CDIP1: variants seen among roughly 807,000 people sequenced by gnomAD.
The protein encoded by CDIP1 is cell death inducing p53 target 1.
Under a neutral mutation model 17.7 loss-of-function variants are expected in CDIP1, and 9 were observed. The ratio of observed to expected loss-of-function variants is 0.51; its 90% CI spans 0.31 to 0.89. The LOEUF (loss-of-function observed/expected upper bound fraction) is 0.89. CDIP1 is among the 40% of genes least tolerant of loss of function. The pLI is 0.05. For synonymous variants in CDIP1, 117 were observed against 109.5 expected (o/e 1.07, Z -0.43); for missense variants, 263 against 277.9 (o/e 0.95, Z 0.38).
intron 1 of CDIP1, among the ~76,000 whole-genome samples, chr16:4,521,777 A>C (rs114452004): frequency 6.7e-6 from 1 of 149,448 alleles, no homozygotes; most frequent in South Asian, 2.1e-4. Context: ...CCCAAGACCC[A>C]CCACTTTCCA....
chr16:4,518,639 C>A (rs1378488861), intron 1 of CDIP1, among the ~76,000 whole-genome samples: 1 of 152,334 alleles, frequency 6.6e-6, no homozygotes, highest in African/African-American at 2.4e-5. Context: ...AGGAGAGGAT[C>A]TGGAAAACAG....
rs532097748 is a variant in CDIP1 at position 4,516,099 on chromosome 16, A to G, written c.-104-1435T>C. ...AATGGAAGACGATTCGGCTATAAAA[A>G]GGAAGGAAGCACTGACACCCTACAG... On this transcript the variant is annotated intron_variant, in intron 1 of 5. Transcript: ENST00000567695. Among the ~76,000 whole-genome samples, 3 of 152,368 alleles carry G rather than the reference A, an allele frequency of 2.0e-5. No individual in the cohort carries two copies. In the East Asian group the frequency reaches 5.8e-4, roughly 29 times the overall value.
intron 1 of CDIP1, among the ~76,000 whole-genome samples, chr16:4,534,346 C>G (rs149548221): frequency 6.6e-6 from 1 of 152,218 alleles, no homozygotes; most frequent in African/African-American, 2.4e-5. Context: ...AAAGTACTTA[C>G]GTTCACAGCC....
intron 1 of CDIP1, among the ~76,000 whole-genome samples, chr16:4,519,287 A>G (rs965568099): frequency 8.5e-5 from 13 of 152,218 alleles, no homozygotes; most frequent in African/African-American, 1.9e-4. Flanking sequence ...TTTCTCCCCA[A>G]TAACAAGCAA....
At chr16:4,524,177 T>C (rs939448354) in intron 1 of CDIP1, 1 of 152,158 alleles carries the variant, frequency 6.6e-6, no homozygotes, top group African/African-American at 2.4e-5. Flanking sequence ...CAAAATGAGG[T>C]TCTTGGAAGG....
intron 1 of CDIP1, chr16:4,536,771 A>AC (rs2059110934): frequency 9.2e-6 from 1 of 108,714 alleles, no homozygotes; most frequent in South Asian, 3.4e-4. Context: ...TGCCATCTCT[A>AC]CAAAAAAAAA....
At chr16:4,528,611 G>A (rs2141653586) in intron 1 of CDIP1, among the ~76,000 whole-genome samples, 1 of 151,032 alleles carries the variant, frequency 6.6e-6, no homozygotes, top group Non-Finnish European at 1.5e-5. Context: ...AACCCAGGAG[G>A]TGGAGGCTGC....
At position 4,514,772 on chromosome 16, in the gene CDIP1, T is replaced by G. The variant is rs1361391416; in HGVS notation, c.-104-108A>C. Reference sequence around the variant, plus strand: ...ACCACACAGTTCCTCCCCTTCCACATCCGGCTTCTCCCTAGCTGTCACTCT... The same window carrying G: ...ACCACACAGTTCCTCCCCTTCCACAGCCGGCTTCTCCCTAGCTGTCACTCT... On this transcript the variant is annotated intron_variant, in intron 1 of 5. Transcript: ENST00000567695. This position sits in a 1 kb window ranked among gnomAD's most constrained non-coding sequence, Gnocchi z 5.2. 2 of 152,742 alleles carry G rather than the reference T, an allele frequency of 1.3e-5. No homozygotes were observed. The highest frequency in any genetic ancestry group is 2.9e-5 in the Non-Finnish European group (2 of 68,338). 9.5% of individuals were successfully genotyped at this position (152,742 alleles called of 1,614,324 possible).
rs143228914 is a variant in CDIP1 at position 4,523,384 on chromosome 16, C to T, written c.-104-8720G>A. Among the ~76,000 whole-genome samples the T allele has an allele frequency of 3.0e-3, 460 of 152,220 alleles. 15 individuals carry two copies. The East Asian group carries it at 0.084, about 28-fold the overall frequency. The stretch of plus-strand genomic sequence containing the variant: ...CAAAGATTAGCTGGGCGTGGTGGCA[C>T]GTGCCTGTAATCCCAGCTACTTAGG... On this transcript the variant is annotated intron_variant, in intron 1 of 5. Transcript: ENST00000567695.
chr16:4,513,704 A>G lies in CDIP1; in HGVS notation c.233T>C (p.Met78Thr). Residue 78 changes from methionine to threonine, a missense_variant, in exon 4 of 6, where the codon ATG becomes ACG. Physicochemically the swap from Met to Thr is moderately conservative, Grantham distance 81. Coordinates refer to ENST00000567695, the MANE Select transcript of CDIP1 (RefSeq NM_013399.3). The surrounding 1 kb of genome is among the most constrained non-coding windows in gnomAD (Gnocchi z 4.1). The stretch of plus-strand genomic sequence containing the variant: ...ATCCCTTCCCCACTCACCCGGAGGC[A>G]TGTAGGTGCCATCTGCACTCATGTG... The part of the protein sequence containing the change: ...PPHMSADGTY[M>T]PPGFYPPPGP... The G allele has an allele frequency of 1.2e-6, 2 of 1,613,438 alleles. No homozygotes were observed. Among genetic ancestry groups the G allele is most frequent in the Non-Finnish European group, 1.7e-6 (2 of 1,179,614 alleles).
Position 4,513,555 on chromosome 16 carries a change from CTGAGCCCTAGGCAAGGGCTGGTTGGGCG to C in CDIP1, c.241+113_241+140del. The C allele has an allele frequency of 5.5e-6, 4 of 731,062 alleles. No homozygotes were observed. The highest frequency in any genetic ancestry group is 9.4e-6 in the Non-Finnish European group (4 of 423,434). The allele number at this position is 731,062 out of a possible 1,614,324, so 45.3% of individuals were successfully genotyped here. A position where few individuals can be genotyped will look rare whatever the true frequency, so the allele number is the denominator to read the frequency against. The stretch of plus-strand genomic sequence containing the variant: ...TCCACAGTCCCTGTCCACACACAGC[CTGAGCCCTAGGCAAGGGCTGGTTGGGCG>C]TGTTGGAGTCCCTGCCCTACAGCAG... On this transcript the variant is annotated intron_variant, in intron 4 of 5. Transcript: ENST00000567695. This position sits in a 1 kb window ranked among gnomAD's most constrained non-coding sequence, Gnocchi z 4.1.
chr16:4,512,224 A>G lies in CDIP1; in HGVS notation c.*348T>C. 1 of 306,944 alleles carries G rather than the reference A, an allele frequency of 3.3e-6. No homozygotes were observed. The highest frequency in any genetic ancestry group is 6.3e-6 in the Non-Finnish European group (1 of 158,896). 19.0% of individuals were successfully genotyped at this position (306,944 alleles called of 1,614,324 possible). A position where few individuals can be genotyped will look rare whatever the true frequency, so the allele number is the denominator to read the frequency against. On this transcript the variant is annotated 3_prime_UTR_variant, in exon 6 of 6. Coordinates refer to ENST00000567695, the MANE Select transcript of CDIP1 (RefSeq NM_013399.3). This position sits in a 1 kb window ranked among gnomAD's most constrained non-coding sequence, Gnocchi z 4.6. ...TCTGGCTGCTGTTGGTCCCAGGGGGAAAGAGTCTGGACTGAACCTGTACCT... is the reference window on the plus strand; with the variant it reads ...TCTGGCTGCTGTTGGTCCCAGGGGGGAAGAGTCTGGACTGAACCTGTACCT...
At chr16:4,528,787 G>A (rs1218996999) in intron 1 of CDIP1, among the ~76,000 whole-genome samples, 2 of 150,880 alleles carry the variant, frequency 1.3e-5, no homozygotes, top group Non-Finnish European at 2.9e-5. Flanking sequence ...TCAGGAGTTC[G>A]AGACCAGCCT....
chr16:4,534,541 A>G (rs926519099), intron 1 of CDIP1, among the ~76,000 whole-genome samples: 1 of 151,990 alleles, frequency 6.6e-6, no homozygotes, highest in Admixed American at 6.6e-5. Context: ...TCACTTAGAC[A>G]CTCTGGCTGC....
chr16:4,521,269 G>T (rs180989601), intron 1 of CDIP1, among the ~76,000 whole-genome samples: 4 of 152,238 alleles, frequency 2.6e-5, no homozygotes, highest in Non-Finnish European at 5.9e-5. Flanking sequence ...AATCATGGCC[G>T]TGTTATTATT....
Position 4,512,900 on chromosome 16 carries a change from C to A in CDIP1, c.406G>T (p.Ala136Ser), listed in dbSNP as rs375532355. The A allele has an allele frequency of 2.5e-5, 39 of 1,570,712 alleles. No homozygotes were observed. The African/African-American group carries it at 3.8e-4, about 15-fold the overall frequency. ...TGGGGACACACCGTCTGCACAGGCG[C>A]TCCCTCAAAGATCTCTCCCTGCAGC... The part of the protein sequence containing the change: ...TVLQGEIFEG[A>S]PVQTVCPHCQ... Residue 136 changes from alanine to serine, a missense_variant, in exon 5 of 6, where the codon GCG (alanine) becomes TCG (serine). Coordinates refer to ENST00000567695, the MANE Select transcript of CDIP1 (RefSeq NM_013399.3). The surrounding 1 kb of genome is among the most constrained non-coding windows in gnomAD (Gnocchi z 4.6).
intron 1 of CDIP1, among the ~76,000 whole-genome samples, chr16:4,527,106 T>C (rs981502496): frequency 3.3e-5 from 5 of 151,278 alleles, no homozygotes; most frequent in Non-Finnish European, 1.5e-5. Flanking sequence ...TTTTTTTTTT[T>C]AGACGGAGTC....
intron 1 of CDIP1, among the ~76,000 whole-genome samples, chr16:4,519,996 G>C (rs141702760): frequency 3.6e-4 from 55 of 152,170 alleles, no homozygotes; most frequent in African/African-American, 1.1e-3. Context: ...AATAGACTAA[G>C]ACACCAGCCT....
intron 1 of CDIP1, among the ~76,000 whole-genome samples, chr16:4,530,975 T>C (rs2059050851): frequency 6.6e-6 from 1 of 152,104 alleles, no homozygotes; most frequent in Non-Finnish European, 1.5e-5. Flanking sequence ...AGAAGACTTA[T>C]TCTGGAAGCT....
Sources: allele counts gnomAD v4.1 joint callset (sites outside exome capture counted in the v4.1 genomes callset), GRCh38; gene constraint gnomAD v4.1.1; non-coding constraint Gnocchi (gnomAD v3.1); transcripts MANE v1.5; gene names NCBI Gene and HGNC (gene_info 2026-07-23, HGNC 2026-07-21).